Variants in EYS observed in about 807,000 individuals in gnomAD.
The protein encoded by EYS is protein eyes shut homolog.
Under a neutral mutation model 282.1 loss-of-function variants are expected in EYS, and 250 were observed. The observed-to-expected ratio is 0.89, with a 90% CI of 0.80 to 0.98. The LOEUF (loss-of-function observed/expected upper bound fraction) is 0.98. Among genes scored for constraint, EYS ranks in the 50% least tolerant of loss-of-function variants. The pLI is 0.00. For synonymous variants in EYS, 1,355 were observed against 1,282.9 expected (o/e 1.06, Z -1.20); for missense variants, 4,016 against 3,709.0 (o/e 1.08, Z -2.15).
At chr6:65,445,511 C>T (rs9354242) in intron 5 of EYS, among the ~76,000 whole-genome samples, 28,062 of 151,406 alleles carry the variant, frequency 0.19, 3,243 homozygotes, top group Middle Eastern at 0.3. Flanking sequence ...AAACTTGTAG[C>T]CCTTTTTGGA....
intron 31 of EYS, among the ~76,000 whole-genome samples, chr6:64,211,087 G>A (rs1765752112): frequency 6.6e-6 from 1 of 152,014 alleles, no homozygotes; most frequent in Non-Finnish European, 1.5e-5. Flanking sequence ...GAGTGTCTTG[G>A]GGTCGTGAAT....
chr6:65,255,749 A>T (rs937227037), intron 12 of EYS, among the ~76,000 whole-genome samples: 1 of 151,860 alleles, frequency 6.6e-6, no homozygotes, highest in Non-Finnish European at 1.5e-5. Context: ...ACAGGTGTAT[A>T]AAAAATGTTC....
intron 33 of EYS, among the ~76,000 whole-genome samples, chr6:64,019,805 T>C (rs1462080094): frequency 1.3e-5 from 2 of 148,402 alleles, no homozygotes; most frequent in African/African-American, 4.9e-5. Flanking sequence ...ATGAATGAGA[T>C]TAGAATGTGT....
chr6:65,129,231 A>T (rs1406413103), intron 12 of EYS, among the ~76,000 whole-genome samples: 1 of 152,032 alleles, frequency 6.6e-6, no homozygotes. Context: ...AAAGAAACCT[A>T]GGAAATATCC....
intron 22 of EYS, among the ~76,000 whole-genome samples, chr6:64,741,486 C>T (rs1772370645): frequency 6.6e-6 from 1 of 152,096 alleles, no homozygotes; most frequent in African/African-American, 2.4e-5. Context: ...TGCATCAGCC[C>T]CTAGCAAGAG....
intron 29 of EYS, among the ~76,000 whole-genome samples, chr6:64,344,151 C>T (rs1239907669): frequency 6.6e-6 from 1 of 152,106 alleles, no homozygotes; most frequent in Non-Finnish European, 1.5e-5. Flanking sequence ...GGTAGCATTC[C>T]TTCTGAAACT....
At chr6:64,962,675 G>C (rs1306032445) in intron 14 of EYS, among the ~76,000 whole-genome samples, 3 of 152,054 alleles carry the variant, frequency 2.0e-5, no homozygotes, top group African/African-American at 7.2e-5. Context: ...TTGAGCCCAG[G>C]AGTTTGAGGC....
chr6:64,550,454 T>C (rs994914092), intron 26 of EYS, among the ~76,000 whole-genome samples: 3 of 152,190 alleles, frequency 2.0e-5, no homozygotes, highest in African/African-American at 7.2e-5. Flanking sequence ...TGGTATCTCA[T>C]TGTGGTTTTG....
intron 32 of EYS, among the ~76,000 whole-genome samples, chr6:64,078,378 C>A (rs1484094594): frequency 6.6e-6 from 1 of 151,980 alleles, no homozygotes; most frequent in Non-Finnish European, 1.5e-5. Flanking sequence ...ATGCAATTAT[C>A]CCCTAAGTTA....
intron 26 of EYS, among the ~76,000 whole-genome samples, chr6:64,573,816 A>G (rs2149819261): frequency 6.6e-6 from 1 of 152,320 alleles, no homozygotes; most frequent in East Asian, 1.9e-4. Flanking sequence ...GAATGCTTTT[A>G]CACTGTTGGT....
intron 29 of EYS, among the ~76,000 whole-genome samples, chr6:64,320,824 A>G (rs960902717): frequency 6.6e-6 from 1 of 151,792 alleles, no homozygotes; most frequent in Admixed American, 6.6e-5. Flanking sequence ...TTATTTATGT[A>G]AATAAGATAT....
intron 18 of EYS, among the ~76,000 whole-genome samples, chr6:64,887,731 C>A (rs1767144139): frequency 6.6e-6 from 1 of 151,988 alleles, no homozygotes; most frequent in South Asian, 2.1e-4. Context: ...TAGTCATGTA[C>A]CCATATTCAA....
intron 12 of EYS, among the ~76,000 whole-genome samples, chr6:65,114,773 A>C (rs1026928664): frequency 6.6e-6 from 1 of 152,010 alleles, no homozygotes; most frequent in Non-Finnish European, 1.5e-5. Context: ...TTAACAACCA[A>C]CTGCATGTTG....
At chr6:64,260,983 A>C (rs1767568556) in intron 30 of EYS, among the ~76,000 whole-genome samples, 1 of 79,382 alleles carries the variant, frequency 1.3e-5, no homozygotes, top group African/African-American at 4.6e-5. Flanking sequence ...AAATCAGAGT[A>C]ACTAGAGTAT....
rs183351825 is a variant in EYS, at chr6:65,183,933, T to A, written c.2023+111930A>T. The stretch of plus-strand genomic sequence containing the variant: ...TTTAAGCTGAAATACAGTGTGTCTA[T>A]ACTGCACTTCAAGAAATACTTTAGC... On this transcript the variant is annotated intron_variant, in intron 12 of 42. Coordinates refer to ENST00000503581, the MANE Select transcript of EYS (RefSeq NM_001142800.2). Among the ~76,000 whole-genome samples the A allele has an allele frequency of 6.4e-3, 977 of 152,062 alleles. 12 individuals are homozygous for A. Among genetic ancestry groups the A allele is most frequent in the African/African-American group, 0.022 (918 of 41,546 alleles).
intron 35 of EYS, among the ~76,000 whole-genome samples, chr6:63,948,387 C>T (rs1466896503): frequency 6.6e-6 from 1 of 152,198 alleles, no homozygotes; most frequent in Non-Finnish European, 1.5e-5. Flanking sequence ...ATTTCTTTGT[C>T]TCTCAGAAAT....
chr6:64,337,413 C>T (rs180833325), intron 29 of EYS, among the ~76,000 whole-genome samples: 34 of 152,012 alleles, frequency 2.2e-4, no homozygotes, highest in African/African-American at 6.7e-4. Flanking sequence ...AAATACAATG[C>T]TCCTAGCTTA....
intron 31 of EYS, among the ~76,000 whole-genome samples, chr6:64,175,214 T>G (rs1164275088): frequency 6.6e-6 from 1 of 152,172 alleles, no homozygotes; most frequent in East Asian, 1.9e-4. Context: ...AATATTTCTA[T>G]GCCTCTATTT....
chr6:64,812,926 T>A (rs1764640347), intron 22 of EYS, among the ~76,000 whole-genome samples: 1 of 152,128 alleles, frequency 6.6e-6, no homozygotes, highest in East Asian at 1.9e-4. Flanking sequence ...AATATAGTGA[T>A]TGATAGAATA....
Sources: gnomAD v4.1 joint callset for allele counts (sites outside exome capture counted in the v4.1 genomes callset) on GRCh38, gnomAD v4.1.1 for gene constraint, MANE v1.5 for transcripts, NCBI Gene and HGNC (gene_info 2026-07-23, HGNC 2026-07-21) for gene names.